The following DENND6A variants were observed in gnomAD, a reference collection of about 807,000 sequenced individuals.
DENND6A encodes the protein DENN domain containing 6A, also known as protein DENND6A.
In DENND6A, 43 loss-of-function variants were observed where a neutral mutation model predicts 95.5. That is an observed-to-expected ratio of 0.45 (90% CI 0.35 to 0.58). The LOEUF is 0.58. Among genes scored for constraint, DENND6A ranks in the 20% least tolerant of loss-of-function variants. The probability of loss-of-function intolerance (pLI) is 0.00; values close to 1 mark genes in which losing one functional copy is unlikely to be tolerated. For synonymous variants in DENND6A, 257 were observed against 260.4 expected (o/e 0.99, Z 0.13); for missense variants, 574 against 736.0 (o/e 0.78, Z 2.55).
At chr3:57,690,421 G>A (rs557646875) in intron 1 of DENND6A, among the ~76,000 whole-genome samples, 3 of 151,800 alleles carry the variant, frequency 2.0e-5, no homozygotes, top group East Asian at 3.9e-4. Flanking sequence ...GGAGAATGGC[G>A]TGAACCTGGG....
chr3:57,661,406 A>G, intron 6 of DENND6A, 40 bp downstream of exon 6: 2 of 1,426,552 alleles, frequency 1.4e-6, no homozygotes, highest in Non-Finnish European at 1.9e-6. Flanking sequence ...TTCCAGTAAA[A>G]ATTTTAAAAC....
rs2071224674 is a variant in DENND6A at position 57,652,209 on chromosome 3, G to C, written c.818+5471C>G. On this transcript the variant is annotated intron_variant, in intron 9 of 19. Transcript: ENST00000311128. The stretch of plus-strand genomic sequence containing the variant: ...GAAATGACAATGTACAACTTTGAAG[G>C]CTGAGTCATACGGGACACTGTGGCT... 2.0e-5 allele frequency among the ~76,000 whole-genome samples: 3 copies of C among 152,124 alleles called. No homozygotes were observed. The South Asian group carries it at 6.2e-4, about 31-fold the overall frequency.
At chr3:57,634,231 G>A (rs375853769) in intron 14 of DENND6A, among the ~76,000 whole-genome samples, 1 of 151,156 alleles carries the variant, frequency 6.6e-6, no homozygotes, top group South Asian at 2.1e-4. Context: ...CCAGGAGTTC[G>A]AGACCAGCCT....
At chr3:57,683,998 C>G (rs774310139) in intron 1 of DENND6A, among the ~76,000 whole-genome samples, 2 of 151,790 alleles carry the variant, frequency 1.3e-5, no homozygotes, top group African/African-American at 4.8e-5. Context: ...ACTAAAAATA[C>G]AAAAATTAGC....
chr3:57,630,206 AACACAC>A, intron 18 of DENND6A: 1 of 467,632 alleles, frequency 2.1e-6, no homozygotes, highest in Non-Finnish European at 3.6e-6. Context: ...TGCAGTTCAT[AACACAC>A]CTACCTCAAA....
chr3:57,669,491 G>A (rs150699302), intron 3 of DENND6A, among the ~76,000 whole-genome samples: 3,660 of 151,894 alleles, frequency 0.024, 69 homozygotes, highest in Non-Finnish European at 0.035. Flanking sequence ...GGAGGTGAGC[G>A]GATCACAAGG....
rs1385110081 is a variant in DENND6A, at chr3:57,627,392, C to T, written c.*822G>A. ...CTCTCGACCTTAAGTGACCTGTCCA[C>T]CTTGGCCTCCCAAAGTGCTAGGATT... On this transcript the variant is annotated 3_prime_UTR_variant, in exon 20 of 20. Coordinates refer to ENST00000311128, the MANE Select transcript of DENND6A (RefSeq NM_152678.3). 1 of 152,132 alleles carries T rather than the reference C, an allele frequency of 6.6e-6. No homozygotes were observed. The highest frequency in any genetic ancestry group is 1.5e-5 in the Non-Finnish European group (1 of 68,064). The allele number at this position is 152,132 out of a possible 1,614,324, so 9.4% of individuals were successfully genotyped here. A position where few individuals can be genotyped will look rare whatever the true frequency, so the allele number is the denominator to read the frequency against.
chr3:57,676,404 T>C (rs1359426778), intron 1 of DENND6A, among the ~76,000 whole-genome samples: 1 of 144,182 alleles, frequency 6.9e-6, no homozygotes, highest in African/African-American at 2.5e-5. Context: ...AAAAAGGCCT[T>C]CTCTTGCTGT....
intron 3 of DENND6A, among the ~76,000 whole-genome samples, chr3:57,669,661 G>A (rs1284735383): frequency 6.6e-6 from 1 of 151,818 alleles, no homozygotes; most frequent in Non-Finnish European, 1.5e-5. Flanking sequence ...CTTGCAGTGA[G>A]TGGAGATCGC....
chr3:57,692,813 C>A lies in DENND6A; in HGVS notation c.206G>T (p.Gly69Val). The change falls in exon 1 of 20, where the codon GGC (glycine) becomes GTC (valine). Residue 69 changes from glycine to valine, a missense_variant. Physicochemically the swap from Gly to Val is moderately radical, Grantham distance 109. This residue lies in a region of DENND6A where 122 missense variants were observed against 105.1 expected (regional missense o/e 1.16). Transcript: ENST00000311128. ...GGCCTGGCCCAGCTCCAGGTCGAAG[C>A]CCACCACACACACGCAGTGCAGCCA... ...SAWLHCVCVVGFDLELGQAVE... is the reference protein window; with the variant it reads ...SAWLHCVCVVVFDLELGQAVE... 1 of 1,565,714 alleles carries A rather than the reference C, an allele frequency of 6.4e-7. No individual in the cohort carries two copies. Among genetic ancestry groups the A allele is most frequent in the Non-Finnish European group, 8.6e-7 (1 of 1,160,252 alleles).
intron 18 of DENND6A, 175 bp downstream of exon 18, chr3:57,630,246 G>C: frequency 2.1e-6 from 1 of 480,344 alleles, no homozygotes; most frequent in Non-Finnish European, 3.5e-6. Context: ...GATTAAAAGA[G>C]ATTATCTATA....
chr3:57,677,871 C>T (rs2071740197), intron 1 of DENND6A, among the ~76,000 whole-genome samples: 1 of 152,124 alleles, frequency 6.6e-6, no homozygotes, highest in African/African-American at 2.4e-5. Context: ...TTGACTCTTT[C>T]CCCTATCAGC....
intron 18 of DENND6A, 109 bp from the exon 19 acceptor site, chr3:57,628,994 C>G: frequency 1.1e-6 from 1 of 907,430 alleles, no homozygotes; most frequent in Non-Finnish European, 1.7e-6. Context: ...AAAAGGAGAA[C>G]AAAGTATTTA....
chr3:57,677,250 T>C (rs575764751), intron 1 of DENND6A, among the ~76,000 whole-genome samples: 20 of 152,296 alleles, frequency 1.3e-4, no homozygotes, highest in African/African-American at 4.3e-4. Flanking sequence ...ATCATTTTAA[T>C]CAATTCTCTA....
At chr3:57,647,711 C>A (rs761060237) in intron 9 of DENND6A, among the ~76,000 whole-genome samples, 2 of 152,032 alleles carry the variant, frequency 1.3e-5, no homozygotes, top group Non-Finnish European at 2.9e-5. Context: ...AGGGTAAGCA[C>A]ACAAGCAGGG....
chr3:57,692,094 G>A (rs529304017), intron 1 of DENND6A, among the ~76,000 whole-genome samples: 1 of 152,056 alleles, frequency 6.6e-6, no homozygotes, highest in South Asian at 2.1e-4. Context: ...GCCGGGCATG[G>A]TCGCATGCCT....
At position 57,677,490 on chromosome 3, in the gene DENND6A, CAGT is replaced by C. The variant is rs2071731818; in HGVS notation, c.238-5055_238-5053del. Among the ~76,000 whole-genome samples, 4 of 123,216 alleles carry C rather than the reference CAGT, an allele frequency of 3.2e-5. No homozygotes were observed. In the South Asian group the frequency reaches 1.1e-3, roughly 35 times the overall value. The allele number at this position is 123,216 out of a possible 152,430, so 80.8% of individuals were successfully genotyped here. A position where few individuals can be genotyped will look rare whatever the true frequency, so the allele number is the denominator to read the frequency against. On this transcript the variant is annotated intron_variant, in intron 1 of 19. Transcript: ENST00000311128. Reference sequence around the variant, plus strand: ...TCATTCTGTCACCAAGGCTAGAGTACAGTGGCACAACTGTGGCTCACCCCAGCC... The same window carrying C: ...TCATTCTGTCACCAAGGCTAGAGTACGGCACAACTGTGGCTCACCCCAGCC...
At chr3:57,665,901 T>A (rs916401352) in intron 4 of DENND6A, 1 of 415,884 alleles carries the variant, frequency 2.4e-6, no homozygotes, top group South Asian at 4.6e-5. Flanking sequence ...AATCCATTTT[T>A]ATAAATCACA....
At position 57,658,779 on chromosome 3, in the gene DENND6A, C is replaced by T. The variant is rs1052064207; in HGVS notation, c.762+339G>A. Among the ~76,000 whole-genome samples the T allele has an allele frequency of 4.6e-5, 7 of 152,208 alleles. No homozygotes were observed. The South Asian group carries it at 6.2e-4, about 14-fold the overall frequency. ...AAAGGGCAATTGTAACTACAGAATC[C>T]TTTTAACTGAGTTTTCTAAAATCAG... On this transcript the variant is annotated intron_variant, in intron 8 of 19. Transcript: ENST00000311128.
Sources: gnomAD v4.1 joint callset for allele counts (sites outside exome capture counted in the v4.1 genomes callset) on GRCh38, gnomAD v4.1.1 for gene constraint, gnomAD v4.1.1 regional missense constraint, MANE v1.5 for transcripts, NCBI Gene and HGNC (gene_info 2026-07-23, HGNC 2026-07-21) for gene names.